Variants in SERPINA7 observed in about 807,000 individuals in gnomAD.
The protein encoded by SERPINA7 is serpin family A member 7.
In SERPINA7, 14 loss-of-function variants were observed where a neutral mutation model predicts 16.0. The ratio of observed to expected loss-of-function variants is 0.88; its 90% confidence interval spans 0.58 to 1.37. The LOEUF is 1.37. Among genes scored for constraint, SERPINA7 ranks in the 40% most tolerant of loss-of-function variants. SERPINA7 has a pLI of 0.00. For missense variants in SERPINA7, 335 were observed against 296.6 expected (o/e 1.13, Z -0.95); for synonymous variants, 140 against 111.0 (o/e 1.26, Z -1.65).
At chrX:106,037,796 A>C (rs1426835486) in intron 1 of SERPINA7, among the ~76,000 whole-genome samples, 1 of 112,000 alleles carries the variant, frequency 8.9e-6, no homozygotes, top group African/African-American at 3.2e-5. Context: ...AAGACATCTT[A>C]ACACTATTAT....
At chrX:106,036,127 G>A (rs2041447066) in intron 2 of SERPINA7, among the ~76,000 whole-genome samples, 1 of 112,176 alleles carries the variant, frequency 8.9e-6, no homozygotes, top group Admixed American at 9.4e-5. Flanking sequence ...CTTGACAAGT[G>A]CAAGCTTGTC....
Position 106,036,541 on chromosome X carries a change from A to G in SERPINA7, c.518T>C (p.Ile173Thr). Residue 173 changes from isoleucine (I) to threonine (T), a missense_variant, in exon 2 of 5, where the codon ATT becomes ACT. Ile to Thr is a moderately conservative substitution (Grantham distance 89). Transcript: ENST00000372563. ...FSNISAAKQE[I>T]NSHVEMQTKG... ...GGTTTGCATCTCCACATGACTGTTA[A>G]TCTCCTGCTTGGCTGCAGAAATGTT... 1 of 1,211,306 alleles carries G rather than the reference A, an allele frequency of 8.3e-7. No individual in the cohort carries two copies. The highest frequency in any genetic ancestry group is 1.1e-6 in the Non-Finnish European group (1 of 895,191).
Position 106,033,485 on chromosome X carries a change from T to C in SERPINA7, c.*15A>G, listed in dbSNP as rs2041422811. On this transcript the variant is annotated 3_prime_UTR_variant, in exon 5 of 5. Coordinates refer to ENST00000372563, the MANE Select transcript of SERPINA7 (RefSeq NM_000354.6). ...GCAATACACACGTGCAATTAGCCAA[T>C]GGCCTTTTTCCCAACTACGCTTCCG... 1 of 1,209,892 alleles carries C rather than the reference T, an allele frequency of 8.3e-7. No individual in the cohort carries two copies. Among genetic ancestry groups the C allele is most frequent in the Non-Finnish European group, 1.1e-6 (1 of 893,738 alleles).
intron 1 of SERPINA7, among the ~76,000 whole-genome samples, chrX:106,037,573 A>G (rs758320296): frequency 9.0e-6 from 1 of 111,292 alleles, no homozygotes; most frequent in African/African-American, 3.3e-5. Flanking sequence ...ACAAAATGAA[A>G]GTAATTTGTA....
chrX:106,036,329 G>A, intron 2 of SERPINA7, 108 bp downstream of exon 2: 10 of 820,918 alleles, frequency 1.2e-5, no homozygotes, highest in Non-Finnish European at 1.6e-5. Flanking sequence ...GATCACTGTG[G>A]TATGAGGGAC....
intron 4 of SERPINA7, 170 bp from the exon 5 acceptor site, chrX:106,033,873 G>A: frequency 1.1e-6 from 1 of 950,889 alleles, no homozygotes; most frequent in Non-Finnish European, 1.4e-6. Context: ...TCATTCTCTG[G>A]CGATTCTACG....
intron 2 of SERPINA7, among the ~76,000 whole-genome samples, chrX:106,035,727 C>G (rs2041444375): frequency 8.9e-6 from 1 of 112,277 alleles, no homozygotes; most frequent in African/African-American, 3.2e-5. Flanking sequence ...GAAAACAGAT[C>G]TGTTCTGCAA....
chrX:106,033,544 T>G lies in SERPINA7; in HGVS notation c.1204A>C (p.Ser402Arg). 2 of 1,210,986 alleles carry G rather than the reference T, an allele frequency of 1.7e-6. No homozygotes were observed. Among genetic ancestry groups the G allele is most frequent in the Admixed American group, 2.2e-5 (1 of 46,028 alleles). ...ACAACTTTCCCTAGAAAGAGAATAC[T>G]CCTTGTGCTTCTCTCCAAAATCAAC... ...MLLILERSTR[S>R]ILFLGKVVNP... Residue 402 changes from serine to arginine, a missense_variant, in exon 5 of 5, where the codon AGT becomes CGT. Coordinates refer to ENST00000372563, the MANE Select transcript of SERPINA7 (RefSeq NM_000354.6).
At position 106,036,423 on chromosome X, in the gene SERPINA7, T is replaced by A. The variant is rs751916476; in HGVS notation, c.622+14A>T. ...CTGAGCCCTAGACTGAAAATTGACA[T>A]CTGAAAGTCTTACCTTTAAAGTGAA... On this transcript the variant is annotated intron_variant, in intron 2 of 4. Coordinates refer to ENST00000372563, the MANE Select transcript of SERPINA7 (RefSeq NM_000354.6). The A allele has an allele frequency of 1.7e-6, 2 of 1,209,993 alleles. No individual in the cohort carries two copies. The highest frequency in any genetic ancestry group is 4.4e-5 in the Admixed American group (2 of 45,970).
chrX:106,037,218 G>C (rs2041458961), intron 1 of SERPINA7, 143 bp from the exon 2 acceptor site: 1 of 502,366 alleles, frequency 2.0e-6, no homozygotes, highest in Non-Finnish European at 3.3e-6. Context: ...GGGCTGAGCA[G>C]GGGTTTCTCT....
rs751916476 is a variant in SERPINA7 at position 106,036,423 on chromosome X, T to C, written c.622+14A>G. ...CTGAGCCCTAGACTGAAAATTGACATCTGAAAGTCTTACCTTTAAAGTGAA... is the reference window on the plus strand; with the variant it reads ...CTGAGCCCTAGACTGAAAATTGACACCTGAAAGTCTTACCTTTAAAGTGAA... On this transcript the variant is annotated intron_variant, in intron 2 of 4. Coordinates refer to ENST00000372563, the MANE Select transcript of SERPINA7 (RefSeq NM_000354.6). 2.6e-5 allele frequency: 31 copies of C among 1,208,364 alleles called. No individual in the cohort carries two copies. Among genetic ancestry groups the C allele is most frequent in the African/African-American group, 5.3e-5 (3 of 57,104 alleles).
At chrX:106,037,441 G>A (rs2041460621) in intron 1 of SERPINA7, 2 of 181,049 alleles carry the variant, frequency 1.1e-5, no homozygotes, top group South Asian at 2.6e-4. Context: ...GGTTAAACTA[G>A]TACTCCCTCT....
chrX:106,034,993 A>T, intron 3 of SERPINA7, 119 bp downstream of exon 3: 1 of 861,231 alleles, frequency 1.2e-6, no homozygotes, highest in Non-Finnish European at 1.7e-6. Flanking sequence ...TATTCTAGTG[A>T]TCATACATAG....
rs1485660406 is a variant in SERPINA7 at position 106,032,543 on chromosome X, G to A, written c.*957C>T. 9.0e-6 allele frequency: 1 copy of A among 111,449 alleles called. No individual in the cohort carries two copies. Among genetic ancestry groups the A allele is most frequent in the East Asian group, 2.8e-4 (1 of 3,528 alleles). The allele number at this position is 111,449 out of a possible 1,213,427, so 9.2% of individuals were successfully genotyped here. On this transcript the variant is annotated 3_prime_UTR_variant, in exon 5 of 5. Transcript: ENST00000372563. Reference sequence around the variant, plus strand: ...TGTCACTGAAGTGTTTTACCTCAGGGCTAGAATTTCAGATACTACATCATT... The same window carrying A: ...TGTCACTGAAGTGTTTTACCTCAGGACTAGAATTTCAGATACTACATCATT...
intron 3 of SERPINA7, 29 bp from the exon 4 acceptor site, chrX:106,034,411 G>A: frequency 7.8e-6 from 9 of 1,159,234 alleles, no homozygotes; most frequent in African/African-American, 1.8e-5. Context: ...GGAACACATG[G>A]CAATCACCAT....
intron 1 of SERPINA7, among the ~76,000 whole-genome samples, chrX:106,038,138 AG>A (rs761471282): frequency 9.0e-6 from 1 of 111,436 alleles, no homozygotes; most frequent in South Asian, 3.8e-4. Context: ...CACAGACCTC[AG>A]TCTCAATAAG....
Position 106,032,794 on chromosome X carries a change from T to C in SERPINA7, c.*706A>G, listed in dbSNP as rs187597523. On this transcript the variant is annotated 3_prime_UTR_variant, in exon 5 of 5. Coordinates refer to ENST00000372563, the MANE Select transcript of SERPINA7 (RefSeq NM_000354.6). ...TATATGGAAAGGAGTCTGATTGGGA[T>C]ACAGAAAAAGAGGGTCTATGAGATA... is the stretch of plus-strand genomic sequence containing the variant. 8.9e-6 allele frequency: 1 copy of C among 111,737 alleles called. No homozygotes were observed. Among genetic ancestry groups the C allele is most frequent in the Non-Finnish European group, 1.9e-5 (1 of 53,371 alleles). The allele number at this position is 111,737 out of a possible 1,213,427, so 9.2% of individuals were successfully genotyped here. A position where few individuals can be genotyped will look rare whatever the true frequency, so the allele number is the denominator to read the frequency against.
At position 106,037,090 on chromosome X, in the gene SERPINA7, G is replaced by A. The variant is rs754765538; in HGVS notation, c.-17-15C>T. On this transcript the variant is annotated splice_polypyrimidine_tract_variant and intron_variant, in intron 1 of 4. Transcript: ENST00000372563. ...AGGAAGTTAATCTATAAGAGATGAA[G>A]TGAGACAACCACTGAGGGAGCTTAG... 5.9e-6 allele frequency: 7 copies of A among 1,191,968 alleles called. No homozygotes were observed. Among genetic ancestry groups the A allele is most frequent in the Non-Finnish European group, 5.7e-6 (5 of 880,152 alleles).
At chrX:106,035,833 T>A (rs2041445157) in intron 2 of SERPINA7, among the ~76,000 whole-genome samples, 1 of 112,330 alleles carries the variant, frequency 8.9e-6, no homozygotes, top group Admixed American at 9.4e-5. Flanking sequence ...GGAGAAATCA[T>A]TTGAGCACAG....
Sources: gnomAD v4.1 joint callset for allele counts (sites outside exome capture counted in the v4.1 genomes callset) on GRCh38, gnomAD v4.1.1 for gene constraint, MANE v1.5 for transcripts, NCBI Gene and HGNC (gene_info 2026-07-23, HGNC 2026-07-21) for gene names.